RTN4: variants seen among roughly 807,000 people sequenced by gnomAD.
RTN4 encodes the protein reticulon 4, also known as reticulon-4.
Under a neutral mutation model 90.4 loss-of-function variants are expected in RTN4, and 32 were observed. That is an observed-to-expected ratio of 0.35 (90% CI 0.27 to 0.48). The LOEUF (loss-of-function observed/expected upper bound fraction) is 0.48. Among genes scored for constraint, RTN4 ranks in the 20% least tolerant of loss-of-function variants. The pLI, the probability that RTN4 is intolerant of heterozygous loss-of-function variation, is 0.99. For missense variants in RTN4, 1,706 were observed against 1,430.2 expected (o/e 1.19, Z -3.11); for synonymous variants, 629 against 552.5 (o/e 1.14, Z -1.94).
chr2:55,029,948 GAATT>G (rs1682182345), intron 1 of RTN4, among the ~76,000 whole-genome samples: 1 of 152,128 alleles, frequency 6.6e-6, no homozygotes, highest in Admixed American at 6.6e-5. Flanking sequence ...CTAAAATAAT[GAATT>G]ATTAGCTTGT....
chr2:55,061,334 G>A (rs1169886259), intron 2 of RTN4, among the ~76,000 whole-genome samples: 1 of 152,174 alleles, frequency 6.6e-6, no homozygotes, highest in Admixed American at 6.5e-5. Flanking sequence ...AAAGTGCTGG[G>A]ATTACAGACG....
In RTN4 at chr2:55,050,097, C is replaced by A; in HGVS notation, c.204G>T (p.Val68=). ...KPAAGLSAAP[V]PTAPAAGAPL... is the part of the protein sequence containing the mutation. Reference sequence around the variant, plus strand: ...GCGCGCCGGCGGCAGGGGCGGTGGGCACTGGGGCCGCGGACAGCCCGGCGG... The same window carrying A: ...GCGCGCCGGCGGCAGGGGCGGTGGGAACTGGGGCCGCGGACAGCCCGGCGG... The change falls in exon 1 of 9, where the codon GTG becomes GTT. Residue 68 remains valine (V), a synonymous_variant. Coordinates refer to ENST00000337526, the MANE Select transcript of RTN4 (RefSeq NM_020532.5). This position sits in a 1 kb window ranked among gnomAD's most constrained non-coding sequence, Gnocchi z 4.6. 6.7e-7 allele frequency: 1 copy of A among 1,489,090 alleles called. No individual in the cohort carries two copies. Among genetic ancestry groups the A allele is most frequent in the Non-Finnish European group, 8.9e-7 (1 of 1,124,612 alleles). The allele number at this position is 1,489,090 out of a possible 1,614,324, so 92.2% of individuals were successfully genotyped here.
intron 1 of RTN4, among the ~76,000 whole-genome samples, chr2:55,048,126 T>C (rs1355858018): frequency 6.6e-6 from 1 of 152,232 alleles, no homozygotes; most frequent in Non-Finnish European, 1.5e-5. Flanking sequence ...ACAATGGTAT[T>C]TGTGTAGTGT....
intron 1 of RTN4, among the ~76,000 whole-genome samples, chr2:55,089,688 G>A (rs1668903505): frequency 6.6e-6 from 1 of 152,210 alleles, no homozygotes; most frequent in South Asian, 2.1e-4. Context: ...CCAAATCTGC[G>A]AAATGCAAAC....
rs78408943 is a variant in RTN4, at chr2:55,025,328, A to G, written c.2771T>C (p.Ile924Thr). The change falls in exon 3 of 9, where the codon ATA becomes ACA. Residue 924 changes from isoleucine (I) to threonine (T), a missense_variant. Physicochemically the swap from Ile to Thr is moderately conservative, Grantham distance 89. Coordinates refer to ENST00000337526, the MANE Select transcript of RTN4 (RefSeq NM_020532.5). ...GATTTTCTCTTCAACTTTGGGTTGT[A>G]TGTTCTTCAAAGAAAGGTCATGGGG... Reference protein sequence around the residue: ...ELPHDLSLKNIQPKVEEKISF... With the variant: ...ELPHDLSLKNTQPKVEEKISF... 3,506 of 1,613,916 alleles carry G rather than the reference A, an allele frequency of 2.2e-3. 74 individuals are homozygous for G. The African/African-American group carries it at 0.04, about 18-fold the overall frequency.
At position 55,086,829 on chromosome 2, in the gene RTN4, AT is replaced by A. The variant is rs1025950417; in HGVS notation, c.-213-6191del. ...TTGCCTTTGTTTTCAACTTTAATTT[AT>A]TTTTTTTTTTTTGTAGACGATTTCT... On this transcript the variant is annotated intron_variant, in intron 1 of 3. Coordinates refer to the RTN4 transcript ENST00000427710. Among the ~76,000 whole-genome samples the A allele has an allele frequency of 4.2e-4, 61 of 145,376 alleles. 2 individuals are homozygous for A. In the South Asian group the frequency reaches 0.011, roughly 26 times the overall value.
intron 5 of RTN4, among the ~76,000 whole-genome samples, chr2:54,975,965 A>G (rs1232245490): frequency 6.6e-6 from 1 of 152,204 alleles, no homozygotes; most frequent in Non-Finnish European, 1.5e-5. Context: ...CCCCTGGTAG[A>G]AAGGTTTGAA....
chr2:55,091,479 T>C (rs1668933904), intron 1 of RTN4, among the ~76,000 whole-genome samples: 1 of 152,234 alleles, frequency 6.6e-6, no homozygotes, highest in Non-Finnish European at 1.5e-5. Context: ...CTTATTTTCC[T>C]GTAACACTTA....
intron 2 of RTN4, among the ~76,000 whole-genome samples, chr2:55,076,086 A>T (rs367763244): frequency 6.6e-6 from 1 of 152,342 alleles, no homozygotes; most frequent in South Asian, 2.1e-4. Context: ...GATGGGACTT[A>T]ATTAAATTTA....
intron 3 of RTN4, among the ~76,000 whole-genome samples, chr2:54,996,109 T>A (rs755066492): frequency 1.2e-4 from 19 of 152,180 alleles, no homozygotes; most frequent in Non-Finnish European, 2.4e-4. Flanking sequence ...ATTCCATTTG[T>A]AATAGCATAG....
chr2:55,050,390 A>T lies in RTN4; in HGVS notation c.-90T>A, dbSNP rs200224613. The T allele has an allele frequency of 1.3e-5, 10 of 771,082 alleles. No individual in the cohort carries two copies. Among genetic ancestry groups the T allele is most frequent in the African/African-American group, 1.8e-5 (1 of 55,046 alleles). The allele number at this position is 771,082 out of a possible 1,614,324, so 47.8% of individuals were successfully genotyped here. A position where few individuals can be genotyped will look rare whatever the true frequency, so the allele number is the denominator to read the frequency against. ...CGGGCGGTTGTGGGGGTTGGGGAGGACTGAGAGGGGCTGGGCCGACTGAGC... is the reference window on the plus strand; with the variant it reads ...CGGGCGGTTGTGGGGGTTGGGGAGGTCTGAGAGGGGCTGGGCCGACTGAGC... On this transcript the variant is annotated 5_prime_UTR_variant, in exon 1 of 9. Coordinates refer to ENST00000337526, the MANE Select transcript of RTN4 (RefSeq NM_020532.5). This position sits in a 1 kb window ranked among gnomAD's most constrained non-coding sequence, Gnocchi z 4.6.
intron 3 of RTN4, among the ~76,000 whole-genome samples, chr2:55,012,773 T>C (rs1680737911): frequency 6.6e-6 from 1 of 152,136 alleles, no homozygotes; most frequent in African/African-American, 2.4e-5. Context: ...AATAACCCAA[T>C]CTTTCTAAAC....
In RTN4 at chr2:55,012,534, T is replaced by A. The variant is rs183946581; in HGVS notation, c.3013+12552A>T. On this transcript the variant is annotated intron_variant, in intron 3 of 8. Coordinates refer to ENST00000337526, the MANE Select transcript of RTN4 (RefSeq NM_020532.5). The stretch of plus-strand genomic sequence containing the variant: ...AGTGCTTAAATCTGAAAAACTGATA[T>A]GACACAAATTTGTTAAAGATGTAAA... Among the ~76,000 whole-genome samples the A allele has an allele frequency of 4.6e-5, 7 of 152,308 alleles. No homozygotes were observed. The East Asian group carries it at 1.3e-3, about 29-fold the overall frequency.
intron 1 of RTN4, among the ~76,000 whole-genome samples, chr2:55,096,326 C>CA (rs113297587): frequency 0.06 from 8,222 of 137,392 alleles, 325 homozygotes; most frequent in East Asian, 0.23. Flanking sequence ...AACTCTGCCT[C>CA]AAAAAAAAAA....
chr2:55,087,447 G>C (rs944322965), intron 1 of RTN4, among the ~76,000 whole-genome samples: 1 of 152,106 alleles, frequency 6.6e-6, no homozygotes, highest in Non-Finnish European at 1.5e-5. Flanking sequence ...TGGTTTGCAT[G>C]TTTTCAAAAC....
intron 5 of RTN4, among the ~76,000 whole-genome samples, chr2:54,977,964 A>G (rs909475037): frequency 1.3e-5 from 2 of 152,202 alleles, no homozygotes; most frequent in Admixed American, 1.3e-4. Context: ...GGTGTTTATA[A>G]AAGGACTAAT....
intron 5 of RTN4, among the ~76,000 whole-genome samples, chr2:54,976,185 G>A (rs1217832593): frequency 6.6e-6 from 1 of 152,184 alleles, no homozygotes; most frequent in Non-Finnish European, 1.5e-5. Flanking sequence ...TAACATGACA[G>A]AAGATAGTAA....
chr2:55,116,875 C>CT (rs67265925), upstream of RTN4, among the ~76,000 whole-genome samples: 103,909 of 126,710 alleles, frequency 0.82, 42,827 homozygotes, highest in Non-Finnish European at 0.85. Flanking sequence ...TCTTTTTTTC[C>CT]TTTTTTTTTT....
the RTN4 span, among the ~76,000 whole-genome samples, chr2:55,129,298 G>A: frequency 6.6e-6 from 1 of 151,852 alleles, no homozygotes; most frequent in Non-Finnish European, 1.5e-5. Context: ...CATTAGTCTG[G>A]GCCAGTGACT....
Sources: gnomAD v4.1 joint callset for allele counts (sites outside exome capture counted in the v4.1 genomes callset) on GRCh38, gnomAD v4.1.1 for gene constraint, Gnocchi (gnomAD v3.1) non-coding constraint, MANE v1.5 for transcripts, NCBI Gene and HGNC (gene_info 2026-07-23, HGNC 2026-07-21) for gene names.